NTRK1: variants seen among roughly 807,000 people sequenced by gnomAD.
The protein encoded by NTRK1 is high affinity nerve growth factor receptor.
A neutral mutation model predicts 86.8 loss-of-function variants in NTRK1; 62 were observed. The observed-to-expected ratio is 0.71, with a 90% confidence interval of 0.58 to 0.88. The LOEUF is 0.88. NTRK1 is among the 40% of genes least tolerant of loss of function. The pLI, the probability that NTRK1 is intolerant of heterozygous loss-of-function variation, is 0.00. For synonymous variants in NTRK1, 469 were observed against 456.6 expected (o/e 1.03, Z -0.35); for missense variants, 967 against 1,078.4 (o/e 0.90, Z 1.45).
In NTRK1 at chr1:156,866,904, C is replaced by T. The variant is rs1655959893; in HGVS notation, c.360-6C>T. On this transcript the variant is annotated splice_polypyrimidine_tract_variant and splice_region_variant and intron_variant, in intron 3 of 16. Transcript: ENST00000524377. ...GGTCTGTCTTGCTGTGTCTCCACGC[C>T]CGCAGGAATCTCTCCTTCAACGCTC... is the stretch of plus-strand genomic sequence containing the variant. 3 of 1,614,086 alleles carry T rather than the reference C, an allele frequency of 1.9e-6. No homozygotes were observed. The highest frequency in any genetic ancestry group is 2.5e-6 in the Non-Finnish European group (3 of 1,180,006).
chr1:156,842,072 A>T, intron 1 of NTRK1: 1 of 1,611,886 alleles, frequency 6.2e-7, no homozygotes, highest in Non-Finnish European at 8.5e-7. Flanking sequence ...GAGTCTCTCT[A>T]CTTTTCAGGC....
At chr1:156,824,435 A>G (rs1571640771) in intron 1 of NTRK1, among the ~76,000 whole-genome samples, 1 of 152,168 alleles carries the variant, frequency 6.6e-6, no homozygotes, top group South Asian at 2.1e-4. Flanking sequence ...GAGGCAGGTG[A>G]TTTGGGAGTC....
intron 1 of NTRK1, chr1:156,816,280 G>T (rs1325148941): frequency 6.1e-6 from 3 of 494,986 alleles, no homozygotes; most frequent in East Asian, 1.5e-4. Context: ...GGCATGGGGG[G>T]CTAATGCTGC....
intron 1 of NTRK1, among the ~76,000 whole-genome samples, chr1:156,827,451 G>A (rs1049022907): frequency 2.6e-5 from 4 of 152,060 alleles, no homozygotes; most frequent in South Asian, 2.1e-4. Flanking sequence ...TAGTAGAGAC[G>A]GGGTTTCACC....
Position 156,876,582 on chromosome 1 carries a change from C to A in NTRK1, c.1805+10C>A. 1 of 1,609,364 alleles carries A rather than the reference C, an allele frequency of 6.2e-7. No homozygotes were observed. The highest frequency in any genetic ancestry group is 8.5e-7 in the Non-Finnish European group (1 of 1,178,598). On this transcript the variant is annotated intron_variant, in intron 14 of 16. Transcript: ENST00000524377. ...TCAACCGCTTCCTCCGGTACCAGCA[C>A]CTGGCCTCAGCGCTGGCCCCGGCCC...
rs565232935 is a variant in NTRK1 at position 156,879,507 on chromosome 1, C to T, written c.2046+145C>T. 6.3e-6 allele frequency: 7 copies of T among 1,114,626 alleles called. 1 individual carries two copies. The South Asian group carries it at 8.3e-5, about 13-fold the overall frequency. The allele number at this position is 1,114,626 out of a possible 1,614,324, so 69.0% of individuals were successfully genotyped here. On this transcript the variant is annotated intron_variant, in intron 15 of 16. Coordinates refer to ENST00000524377, the MANE Select transcript of NTRK1 (RefSeq NM_002529.4). ...TCTGGTTTTCAACCTACCTCCTCGGCTCCTGGTGGAGGGGGCTCTGTCTCC... is the reference window on the plus strand; with the variant it reads ...TCTGGTTTTCAACCTACCTCCTCGGTTCCTGGTGGAGGGGGCTCTGTCTCC...
chr1:156,839,205 A>G (rs1475215522), intron 1 of NTRK1, among the ~76,000 whole-genome samples: 1 of 152,108 alleles, frequency 6.6e-6, no homozygotes, highest in East Asian at 1.9e-4. Flanking sequence ...CCTCACGCAG[A>G]CTCGTGCCCA....
rs201110800 is a variant in NTRK1 at position 156,871,697 on chromosome 1, G to T, written c.792G>T (p.Thr264=). The change falls in exon 7 of 17, where the codon ACG becomes ACT. Residue 264 remains threonine (T), a synonymous_variant. Coordinates refer to ENST00000524377, the MANE Select transcript of NTRK1 (RefSeq NM_002529.4). ...GTGACCTCAACAGGAAGAACGTGAC[G>T]TGCTGGGCAGAGAACGATGTGGGCC... ...VTSDLNRKNV[T]CWAENDVGRA... 2 of 1,614,192 alleles carry T rather than the reference G, an allele frequency of 1.2e-6. No individual in the cohort carries two copies. The highest frequency in any genetic ancestry group is 3.3e-5 in the Admixed American group (2 of 60,026).
At chr1:156,841,384 G>C in intron 1 of NTRK1, 1 of 1,613,210 alleles carries the variant, frequency 6.2e-7, no homozygotes, top group Non-Finnish European at 8.5e-7. Flanking sequence ...GGGCAGGGGA[G>C]GTGACTCACA....
chr1:156,880,389 G>A (rs921983022), intron 16 of NTRK1: 7 of 588,028 alleles, frequency 1.2e-5, no homozygotes, highest in African/African-American at 1.1e-4. Flanking sequence ...GGCCCCTGGG[G>A]GAACCTCAAA....
intron 12 of NTRK1, 157 bp downstream of exon 12, chr1:156,875,823 A>G: frequency 8.2e-7 from 1 of 1,226,992 alleles, no homozygotes. Context: ...TATTCTTCTC[A>G]GGCTGAGTCC....
chr1:156,841,319 C>T (rs1654770739), intron 1 of NTRK1: 1 of 1,439,602 alleles, frequency 6.9e-7, no homozygotes, highest in Non-Finnish European at 9.7e-7. Flanking sequence ...AGGAGGTGAG[C>T]CAGAATCATG....
Position 156,867,823 on chromosome 1 carries a change from G to A in NTRK1, c.429-281G>A, listed in dbSNP as rs576148987. On this transcript the variant is annotated intron_variant, in intron 4 of 16. Transcript: ENST00000524377. ...TGAGTAGGTGGGACTACAGGTGCCCGCCACCATGCCTGGCTAAGTTTTTGC... is the reference window on the plus strand; with the variant it reads ...TGAGTAGGTGGGACTACAGGTGCCCACCACCATGCCTGGCTAAGTTTTTGC... Among the ~76,000 whole-genome samples, 99 of 151,814 alleles carry A rather than the reference G, an allele frequency of 6.5e-4. 1 individual carries two copies. The highest frequency in any genetic ancestry group is 3.4e-3 in the Middle Eastern group (1 of 294).
At chr1:156,838,007 A>G (rs1654639187) in intron 1 of NTRK1, 1 of 152,170 alleles carries the variant, frequency 6.6e-6, no homozygotes, top group Non-Finnish European at 1.5e-5. Context: ...ACAGCCAGGA[A>G]CCACTCTCTG....
At chr1:156,826,441 C>T (rs1168938077) in intron 1 of NTRK1, among the ~76,000 whole-genome samples, 1 of 151,892 alleles carries the variant, frequency 6.6e-6, no homozygotes, top group African/African-American at 2.4e-5. Context: ...GCTGGGACTA[C>T]AGGTGTCCAC....
chr1:156,843,264 GA>G, intron 2 of NTRK1: 1 of 1,603,626 alleles, frequency 6.2e-7, no homozygotes. Flanking sequence ...ACAAAGCGAG[GA>G]TGCTGCTCTC....
intron 8 of NTRK1, 155 bp downstream of exon 8, chr1:156,874,114 C>T (rs1647745920): frequency 2.2e-6 from 2 of 909,588 alleles, no homozygotes; most frequent in Non-Finnish European, 3.4e-6. Flanking sequence ...GGCCTCCTTA[C>T]CCTCTCCCCA....
chr1:156,876,628 C>T (rs1431040433), intron 14 of NTRK1, 56 bp downstream of exon 14: 1 of 1,560,674 alleles, frequency 6.4e-7, no homozygotes, highest in Non-Finnish European at 8.7e-7. Flanking sequence ...GCCCCGTCTT[C>T]CCTTCCCTAT....
intron 3 of NTRK1, 141 bp downstream of exon 3, chr1:156,864,940 G>T: frequency 1.2e-6 from 1 of 815,156 alleles, no homozygotes; most frequent in South Asian, 1.5e-5. Flanking sequence ...TTCTCCTGGG[G>T]CTTCCTCCCA....
Sources: allele counts gnomAD v4.1 joint callset (sites outside exome capture counted in the v4.1 genomes callset), GRCh38; gene constraint gnomAD v4.1.1; transcripts MANE v1.5; gene names NCBI Gene and HGNC (gene_info 2026-07-23, HGNC 2026-07-21).